Variants in ZNF385D observed in about 807,000 individuals in gnomAD.
The protein encoded by ZNF385D is zinc finger protein 385D.
In ZNF385D, 15 loss-of-function variants were observed where a neutral mutation model predicts 35.8. That is an observed-to-expected ratio of 0.42 (90% CI 0.28 to 0.64). ZNF385D has a LOEUF of 0.64. ZNF385D is among the 30% of genes least tolerant of loss of function. The pLI, the probability that ZNF385D is intolerant of heterozygous loss-of-function variation, is 0.23. For missense variants in ZNF385D, 474 were observed against 494.6 expected (o/e 0.96, Z 0.39); for synonymous variants, 212 against 186.8 (o/e 1.13, Z -1.10).
intron 3 of ZNF385D, among the ~76,000 whole-genome samples, chr3:21,962,516 G>C (rs1383308660): frequency 6.6e-6 from 1 of 152,130 alleles, no homozygotes; most frequent in Non-Finnish European, 1.5e-5. Context: ...AAAAAGGTTT[G>C]GTCTGCATTT....
chr3:21,751,648 A>C (rs1575589685), upstream of ZNF385D, among the ~76,000 whole-genome samples: 1 of 152,046 alleles, frequency 6.6e-6, no homozygotes, highest in East Asian at 1.9e-4. Context: ...GTTTATATAT[A>C]AGAGGAATAA....
In ZNF385D at chr3:21,415,040, C is replaced by T. The variant is rs1464554282; in HGVS notation, c.*6174G>A. On this transcript the variant is annotated 3_prime_UTR_variant, in exon 8 of 8. Coordinates refer to ENST00000281523, the MANE Select transcript of ZNF385D (RefSeq NM_024697.3). ...TGTGTTAAGTTGGGTTGACAAACGT[C>T]CAATAAAACCCATATCATTATTTTG... The T allele has an allele frequency of 1.3e-5, 2 of 152,014 alleles. No individual in the cohort carries two copies. The highest frequency in any genetic ancestry group is 4.8e-5 in the African/African-American group (2 of 41,412). 9.4% of individuals were successfully genotyped at this position (152,014 alleles called of 1,614,324 possible).
intron 3 of ZNF385D, among the ~76,000 whole-genome samples, chr3:22,127,210 T>C (rs962419714): frequency 1.3e-5 from 2 of 151,988 alleles, no homozygotes; most frequent in African/African-American, 4.8e-5. Context: ...CCTGACATTT[T>C]GTTATTTCTT....
intron 3 of ZNF385D, among the ~76,000 whole-genome samples, chr3:21,999,397 C>A (rs1695694922): frequency 6.6e-6 from 1 of 151,750 alleles, no homozygotes; most frequent in African/African-American, 2.4e-5. Flanking sequence ...TATGGGATGA[C>A]AATATTTAAT....
intron 1 of ZNF385D, among the ~76,000 whole-genome samples, chr3:21,723,235 G>A (rs12638208): frequency 0.17 from 25,271 of 152,010 alleles, 2,552 homozygotes; most frequent in Admixed American, 0.3. Context: ...AAACCAGAAC[G>A]TCTCTTCTCC....
At chr3:22,217,139 A>G (rs80268726) in intron 2 of ZNF385D, among the ~76,000 whole-genome samples, 1,549 of 152,266 alleles carry the variant, frequency 0.01, 18 homozygotes, top group African/African-American at 0.028. Flanking sequence ...GAAGAGACCA[A>G]TTAGAGTACT....
At chr3:21,956,306 C>G (rs979453956) in intron 3 of ZNF385D, among the ~76,000 whole-genome samples, 1 of 151,982 alleles carries the variant, frequency 6.6e-6, no homozygotes, top group African/African-American at 2.4e-5. Context: ...ATCATTGTCC[C>G]CACCTGCTGT....
chr3:21,501,567 G>A (rs1299024078), intron 4 of ZNF385D, among the ~76,000 whole-genome samples: 2 of 151,982 alleles, frequency 1.3e-5, no homozygotes, highest in African/African-American at 2.4e-5. Context: ...ATATCAACCC[G>A]TTCACTTTTC....
chr3:21,975,257 G>A (rs1032285305), intron 3 of ZNF385D, among the ~76,000 whole-genome samples: 1 of 152,084 alleles, frequency 6.6e-6, no homozygotes, highest in Admixed American at 6.6e-5. Context: ...TCATTTACAA[G>A]AACATGGATG....
intron 3 of ZNF385D, among the ~76,000 whole-genome samples, chr3:21,941,622 C>T (rs549682899): frequency 1.3e-5 from 2 of 151,406 alleles, no homozygotes; most frequent in Non-Finnish European, 1.5e-5. Context: ...CTCAGCCTCC[C>T]GAGTAACTGG....
chr3:21,658,253 T>C (rs897090131), intron 2 of ZNF385D, among the ~76,000 whole-genome samples: 1 of 152,040 alleles, frequency 6.6e-6, no homozygotes, highest in Admixed American at 6.6e-5. Flanking sequence ...GTACATTCTT[T>C]GGGCAACCAC....
chr3:22,103,468 A>T (rs745834730), intron 3 of ZNF385D, among the ~76,000 whole-genome samples: 66 of 152,256 alleles, frequency 4.3e-4, no homozygotes, highest in Non-Finnish European at 6.8e-4. Context: ...ACTATTTTAC[A>T]ATTTTCATAA....
At chr3:21,890,935 A>G (rs1015672401) in intron 3 of ZNF385D, among the ~76,000 whole-genome samples, 7 of 152,316 alleles carry the variant, frequency 4.6e-5, no homozygotes, top group Admixed American at 3.3e-4. Flanking sequence ...AACAGTATTT[A>G]AGAATTTCAA....
At chr3:21,424,238 T>A (rs377310223) in intron 6 of ZNF385D, among the ~76,000 whole-genome samples, 174 bp from the exon 7 acceptor site, 1 of 143,032 alleles carries the variant, frequency 7.0e-6, no homozygotes, top group Non-Finnish European at 1.5e-5. Flanking sequence ...GGATATATAT[T>A]TTTATGCTAT....
chr3:21,689,886 CAAAA>C (rs5847127), intron 1 of ZNF385D, among the ~76,000 whole-genome samples: 8 of 143,754 alleles, frequency 5.6e-5, no homozygotes, highest in Admixed American at 6.9e-5. Context: ...CGAAAAATTG[CAAAA>C]AAAAAAAAAA....
At chr3:22,247,198 A>G (rs1699830418) in intron 2 of ZNF385D, among the ~76,000 whole-genome samples, 1 of 152,154 alleles carries the variant, frequency 6.6e-6, no homozygotes, top group African/African-American at 2.4e-5. Context: ...TTTGATAATA[A>G]TGTCCTTTAG....
rs201566198 is a variant in ZNF385D, at chr3:22,299,136, TAA to T, written c.106+73312_106+73313del. ...CAGGTTTCACTGTATCTGTAAAAAC[TAA>T]AGAGGCTGCTGGTGACTTTAGTAAC... On this transcript the variant is annotated intron_variant, in intron 2 of 5. Transcript: ENST00000494108. 4.8e-3 allele frequency among the ~76,000 whole-genome samples: 735 copies of T among 152,052 alleles called. 3 individuals carry two copies. Among genetic ancestry groups the T allele is most frequent in the African/African-American group, 0.017 (700 of 41,544 alleles).
intron 3 of ZNF385D, among the ~76,000 whole-genome samples, chr3:21,802,082 G>C (rs971569593): frequency 6.6e-6 from 1 of 152,092 alleles, no homozygotes; most frequent in Non-Finnish European, 1.5e-5. Context: ...GACAATAACA[G>C]ACTACAGAAA....
intron 3 of ZNF385D, among the ~76,000 whole-genome samples, chr3:21,814,344 T>A (rs2073057548): frequency 6.6e-6 from 1 of 152,078 alleles, no homozygotes; most frequent in Admixed American, 6.6e-5. Context: ...AATTCACACA[T>A]AACAATATTA....
Sources: allele counts gnomAD v4.1 joint callset (sites outside exome capture counted in the v4.1 genomes callset), GRCh38; gene constraint gnomAD v4.1.1; transcripts MANE v1.5; gene names NCBI Gene and HGNC (gene_info 2026-07-23, HGNC 2026-07-21).